MED28: variants seen among roughly 807,000 people sequenced by gnomAD.
MED28 encodes the protein mediator of RNA polymerase II transcription subunit 28.
MED28 carries 26 observed loss-of-function variants against 21.3 expected under a neutral mutation model. The observed-to-expected ratio is 1.22, with a 90% CI of 0.89 to 1.69. The LOEUF is 1.69. Ranked by LOEUF, MED28 falls within the 40% of genes most tolerant of loss-of-function variation. The pLI, the probability that MED28 is intolerant of heterozygous loss-of-function variation, is 0.00. For synonymous variants in MED28, 110 were observed against 87.6 expected (o/e 1.26, Z -1.43); for missense variants, 257 against 215.4 (o/e 1.19, Z -1.21).
rs1181948894 is a variant in MED28 at position 17,629,730 on chromosome 4, C to T, written c.*5932C>T. The T allele has an allele frequency of 6.6e-6, 1 of 152,180 alleles. No homozygotes were observed. The highest frequency in any genetic ancestry group is 1.5e-5 in the Non-Finnish European group (1 of 68,040). 9.4% of individuals were successfully genotyped at this position (152,180 alleles called of 1,614,324 possible). ...CGCCATCACTGTCATCTCTAGACCG[C>T]TCTGCTGTTGAGAGATTGATGGAAT... On this transcript the variant is annotated 3_prime_UTR_variant, in exon 4 of 4. Transcript: ENST00000237380.
chr4:17,618,411 T>C (rs1041887266), intron 1 of MED28, among the ~76,000 whole-genome samples: 9 of 152,090 alleles, frequency 5.9e-5, no homozygotes, highest in Non-Finnish European at 1.2e-4. Flanking sequence ...TGGCCCAACT[T>C]TTTTGGCCAG....
chr4:17,619,772 C>T, intron 1 of MED28, 129 bp from the exon 2 acceptor site: 1 of 732,164 alleles, frequency 1.4e-6, no homozygotes, highest in African/African-American at 1.8e-5. Context: ...TGGTGTCTTG[C>T]CATCTCATAT....
intron 1 of MED28, among the ~76,000 whole-genome samples, chr4:17,618,078 G>A (rs1714506964): frequency 7.3e-6 from 1 of 137,226 alleles, no homozygotes; most frequent in Non-Finnish European, 1.5e-5. Context: ...ATGGCACGAT[G>A]TTGGGTCACT....
chr4:17,632,043 ATTTTTTTTTTTTTTTTTTTTTTTTTTTTT>A lies in MED28; in HGVS notation c.*8261_*8289del, dbSNP rs199549580. The A allele has an allele frequency of 0.58, 69,335 of 119,254 alleles. 19,718 individuals carry two copies. Among genetic ancestry groups the A allele is most frequent in the East Asian group, 0.79 (3,676 of 4,646 alleles). The allele number at this position is 119,254 out of a possible 1,614,324, so 7.4% of individuals were successfully genotyped here. A position where few individuals can be genotyped will look rare whatever the true frequency, so the allele number is the denominator to read the frequency against. On this transcript the variant is annotated 3_prime_UTR_variant, in exon 4 of 4. Transcript: ENST00000237380. ...TTTTAATAACACTGGTTTAATGTCA[ATTTTTTTTTTTTTTTTTTTTTTTTTTTTT>A]TTTTTTTTTTTTTTTGGAGACAGGG... is the stretch of plus-strand genomic sequence containing the variant.
chr4:17,616,707 G>A (rs918295518), intron 1 of MED28, among the ~76,000 whole-genome samples: 1 of 152,058 alleles, frequency 6.6e-6, no homozygotes, highest in Non-Finnish European at 1.5e-5. Context: ...CATTAAATTC[G>A]GCTCCATGAA....
rs765417435 is a variant in MED28, at chr4:17,633,867, G to A, written c.*10069G>A. 1.2e-5 allele frequency: 19 copies of A among 1,550,026 alleles called. No individual in the cohort carries two copies. In the South Asian group the frequency reaches 2.3e-4, roughly 18 times the overall value. ...TTCGGCACGCTGACCACGCGGCTGG[G>A]CACGTCCTCCACCTTCTTTTTCTGT... On this transcript the variant is annotated 3_prime_UTR_variant, in exon 4 of 4. Coordinates refer to ENST00000237380, the MANE Select transcript of MED28 (RefSeq NM_025205.5).
Position 17,632,585 on chromosome 4 carries a change from G to A in MED28, c.*8787G>A. On this transcript the variant is annotated 3_prime_UTR_variant, in exon 4 of 4. Coordinates refer to ENST00000237380, the MANE Select transcript of MED28 (RefSeq NM_025205.5). ...TCCTGGTGCGGAGAGCCCTGTTTCT[G>A]CTGGACTTCTTTGGCTTGGGCCGTT... The A allele has an allele frequency of 6.4e-7, 1 of 1,551,360 alleles. No homozygotes were observed. Among genetic ancestry groups the A allele is most frequent in the Non-Finnish European group, 8.7e-7 (1 of 1,146,766 alleles).
In MED28 at chr4:17,625,061, T is replaced by A. The variant is rs1714739721; in HGVS notation, c.*1263T>A. On this transcript the variant is annotated 3_prime_UTR_variant, in exon 4 of 4. Transcript: ENST00000237380. ...CTTGAAGGCCCCTTCCCACATGGAC[T>A]GACATCCACTCATGTGCCTGATCCC... 6.6e-6 allele frequency: 1 copy of A among 152,238 alleles called. No homozygotes were observed. Among genetic ancestry groups the A allele is most frequent in the South Asian group, 2.1e-4 (1 of 4,830 alleles). 9.4% of individuals were successfully genotyped at this position (152,238 alleles called of 1,614,324 possible).
At position 17,631,498 on chromosome 4, in the gene MED28, A is replaced by G. The variant is rs965207267; in HGVS notation, c.*7700A>G. The G allele has an allele frequency of 4.6e-5, 7 of 152,234 alleles. No homozygotes were observed. The highest frequency in any genetic ancestry group is 1.7e-4 in the African/African-American group (7 of 41,454). The allele number at this position is 152,234 out of a possible 1,614,324, so 9.4% of individuals were successfully genotyped here. ...TTTGACTTCAAAGAACAGATAATCT[A>G]GAGACCTTCACAAGTGATCATGTTG... On this transcript the variant is annotated 3_prime_UTR_variant, in exon 4 of 4. Transcript: ENST00000237380.
At chr4:17,622,513 A>G (rs566368934) in intron 3 of MED28, among the ~76,000 whole-genome samples, 70 of 152,304 alleles carry the variant, frequency 4.6e-4, no homozygotes, top group Non-Finnish European at 7.6e-4. Flanking sequence ...TGTTCTTAAA[A>G]AGCTCTTGAA....
intron 1 of MED28, among the ~76,000 whole-genome samples, chr4:17,617,674 A>T (rs529059734): frequency 3.2e-4 from 49 of 152,332 alleles, no homozygotes; most frequent in African/African-American, 1.2e-3. Flanking sequence ...TGGGAGGCCA[A>T]GGTGGCTGGA....
intron 1 of MED28, among the ~76,000 whole-genome samples, chr4:17,618,727 A>G (rs1169284217): frequency 1.1e-5 from 1 of 92,206 alleles, no homozygotes; most frequent in Non-Finnish European, 2.4e-5. Context: ...CGTGTTAGTT[A>G]GGATGGTGAC....
intron 1 of MED28, among the ~76,000 whole-genome samples, chr4:17,617,404 A>T (rs576053701): frequency 5.3e-5 from 8 of 152,230 alleles, no homozygotes; most frequent in Admixed American, 4.6e-4. Flanking sequence ...ATGCTCTTTG[A>T]TGGAAGGAAT....
chr4:17,619,218 GC>G (rs1714546681), intron 1 of MED28, among the ~76,000 whole-genome samples: 1 of 152,150 alleles, frequency 6.6e-6, no homozygotes, highest in Admixed American at 6.5e-5. Flanking sequence ...CTGTATAGGT[GC>G]CCTTTAGAGA....
At chr4:17,614,936 TA>T (rs1410535750) in intron 1 of MED28, 123 bp downstream of exon 1, 6 of 1,225,848 alleles carry the variant, frequency 4.9e-6, no homozygotes, top group Middle Eastern at 4.3e-4. Flanking sequence ...AACTGAGGCT[TA>T]AAGTAAGTCA....
Position 17,633,864 on chromosome 4 carries a change from T to A in MED28, c.*10066T>A. On this transcript the variant is annotated 3_prime_UTR_variant, in exon 4 of 4. Coordinates refer to ENST00000237380, the MANE Select transcript of MED28 (RefSeq NM_025205.5). ...AGGTTCGGCACGCTGACCACGCGGC[T>A]GGGCACGTCCTCCACCTTCTTTTTC... The A allele has an allele frequency of 6.4e-7, 1 of 1,550,608 alleles. No individual in the cohort carries two copies. The highest frequency in any genetic ancestry group is 8.7e-7 in the Non-Finnish European group (1 of 1,146,536).
chr4:17,628,722 A>T lies in MED28; in HGVS notation c.*4924A>T, dbSNP rs1313806679. ...ATGTGGTCTGAGAGCAGGCAGTAGG[A>T]TGAGGCTTGGGGACTGGCTCACTCA... is the stretch of plus-strand genomic sequence containing the variant. On this transcript the variant is annotated 3_prime_UTR_variant, in exon 4 of 4. Transcript: ENST00000237380. 6.6e-6 allele frequency: 1 copy of T among 152,194 alleles called. No homozygotes were observed. The highest frequency in any genetic ancestry group is 1.5e-5 in the Non-Finnish European group (1 of 68,096). 9.4% of individuals were successfully genotyped at this position (152,194 alleles called of 1,614,324 possible).
In MED28 at chr4:17,623,700, A is replaced by C; in HGVS notation, c.439A>C (p.Asn147His). The change falls in exon 4 of 4, where the codon AAC becomes CAC. Residue 147 changes from asparagine to histidine, a missense_variant. By Grantham distance (68) the Asn-to-His change is moderately conservative. Coordinates refer to ENST00000237380, the MANE Select transcript of MED28 (RefSeq NM_025205.5). ...TTGGCAGCAGGTGCTGGAGGACATCAACGTGCAGCACAAAAAGCCCGCCGA... is the reference window on the plus strand; with the variant it reads ...TTGGCAGCAGGTGCTGGAGGACATCCACGTGCAGCACAAAAAGCCCGCCGA... ...RHWQQVLEDINVQHKKPADIP... is the reference protein window; with the variant it reads ...RHWQQVLEDIHVQHKKPADIP... The C allele has an allele frequency of 6.2e-7, 1 of 1,614,226 alleles. No individual in the cohort carries two copies. The highest frequency in any genetic ancestry group is 2.2e-5 in the East Asian group (1 of 44,888).
rs1479628345 is a variant in MED28 at position 17,624,518 on chromosome 4, A to G, written c.*720A>G. The G allele has an allele frequency of 1.3e-5, 2 of 149,984 alleles. No homozygotes were observed. Among genetic ancestry groups the G allele is most frequent in the South Asian group, 2.1e-4 (1 of 4,706 alleles). 9.3% of individuals were successfully genotyped at this position (149,984 alleles called of 1,614,324 possible). Reference sequence around the variant, plus strand: ...GCAGTGATACGCTAACATTCATTACATTCTGCAGTAATGAATCTGTTTAAT... The same window carrying G: ...GCAGTGATACGCTAACATTCATTACGTTCTGCAGTAATGAATCTGTTTAAT... On this transcript the variant is annotated 3_prime_UTR_variant, in exon 4 of 4. Transcript: ENST00000237380.
Sources: gnomAD v4.1 joint callset for allele counts (sites outside exome capture counted in the v4.1 genomes callset) on GRCh38, gnomAD v4.1.1 for gene constraint, MANE v1.5 for transcripts, NCBI Gene and HGNC (gene_info 2026-07-23, HGNC 2026-07-21) for gene names.